Variants in NFATC3 observed in about 807,000 individuals in gnomAD.
NFATC3 encodes the protein nuclear factor of activated T-cells, cytoplasmic 3.
Under a neutral mutation model 98.6 loss-of-function variants are expected in NFATC3, and 46 were observed. The ratio of observed to expected loss-of-function variants is 0.47; its 90% CI spans 0.37 to 0.60. The LOEUF is 0.60. Ranked by LOEUF, NFATC3 falls within the 20% of genes least tolerant of loss-of-function variation. The pLI is 0.00. For synonymous variants in NFATC3, 512 were observed against 472.2 expected (o/e 1.08, Z -1.09); for missense variants, 1,256 against 1,295.5 (o/e 0.97, Z 0.47).
rs1163459056 is a variant in NFATC3 at position 68,085,644 on chromosome 16, C to T, written c.-38C>T. On this transcript the variant is annotated 5_prime_UTR_variant, in exon 1 of 10. Transcript: ENST00000346183. ...CCGCCGCTTGCCGCTGCCGCCGCCG[C>T]CGCCTGAGGAGGAGCTGCAGCACCC... The T allele has an allele frequency of 1.4e-6, 2 of 1,476,012 alleles. No individual in the cohort carries two copies. The highest frequency in any genetic ancestry group is 1.8e-6 in the Non-Finnish European group (2 of 1,115,308). The allele number at this position is 1,476,012 out of a possible 1,614,324, so 91.4% of individuals were successfully genotyped here. A position where few individuals can be genotyped will look rare whatever the true frequency, so the allele number is the denominator to read the frequency against.
chr16:68,226,924 G>GAAAAAAA lies in NFATC3; in HGVS notation c.*456_*462dup, dbSNP rs1567559802. ...AAAAAAAAAAAAAAAAAAAAAAAAAGAAAAAAAAAGAAAAGAAAAAAAGAA... is the reference window on the plus strand; with the variant it reads ...AAAAAAAAAAAAAAAAAAAAAAAAAGAAAAAAAAAAAAAAAAGAAAAGAAAAAAAGAA... On this transcript the variant is annotated 3_prime_UTR_variant, in exon 10 of 10. Transcript: ENST00000346183. 1.2e-5 allele frequency: 1 copy of GAAAAAAA among 85,486 alleles called. No homozygotes were observed. The highest frequency in any genetic ancestry group is 1.4e-4 in the Admixed American group (1 of 7,182). 5.3% of individuals were successfully genotyped at this position (85,486 alleles called of 1,614,324 possible). A position where few individuals can be genotyped will look rare whatever the true frequency, so the allele number is the denominator to read the frequency against.
In NFATC3 at chr16:68,174,378, G is replaced by A; in HGVS notation, c.1779G>A (p.Gln593=). ...QIASIPVECS[Q]RSAQELPHIE... ...CTTTAAAAAAATTTAAAACAGCCCA[G>A]CGGTCTGCTCAAGAACTTCCTCATA... is the stretch of plus-strand genomic sequence containing the variant. Residue 593 remains glutamine (Q), a synonymous_variant, in exon 6 of 10, where the codon CAG becomes CAA. Coordinates refer to ENST00000346183, the MANE Select transcript of NFATC3 (RefSeq NM_173165.3). 6.8e-7 allele frequency: 1 copy of A among 1,469,316 alleles called. No homozygotes were observed. The highest frequency in any genetic ancestry group is 9.0e-7 in the Non-Finnish European group (1 of 1,109,420). The allele number at this position is 1,469,316 out of a possible 1,614,324, so 91.0% of individuals were successfully genotyped here.
In NFATC3 at chr16:68,122,823, T is replaced by C; in HGVS notation, c.940T>C (p.Ser314Pro). 6.2e-7 allele frequency: 1 copy of C among 1,614,270 alleles called. No individual in the cohort carries two copies. The highest frequency in any genetic ancestry group is 8.5e-7 in the Non-Finnish European group (1 of 1,180,042). Residue 314 changes from serine (S) to proline (P), a missense_variant, in exon 2 of 10, where the codon TCT (serine) becomes CCT (proline). By Grantham distance (74) the Ser-to-Pro change is moderately conservative (BLOSUM62 -1). This residue lies in a region of NFATC3 where 464 missense variants were observed against 465.7 expected (regional missense o/e 1.00). Transcript: ENST00000346183. ...SVTEDTWLNASVHGGSGLGPA... is the reference protein window; with the variant it reads ...SVTEDTWLNAPVHGGSGLGPA... ...GACAGAAGATACGTGGCTCAATGCT[T>C]CTGTCCATGGTGGGTCAGGCCTTGG...
At chr16:68,095,638 G>GC (rs1422452232) in intron 1 of NFATC3, among the ~76,000 whole-genome samples, 1 of 152,190 alleles carries the variant, frequency 6.6e-6, no homozygotes, top group African/African-American at 2.4e-5. Context: ...ATAGGCATGA[G>GC]CCCCTGTGCC....
chr16:68,174,537 G>T, intron 6 of NFATC3, 23 bp downstream of exon 6: 2 of 1,526,160 alleles, frequency 1.3e-6, no homozygotes, highest in South Asian at 2.7e-5. Context: ...TGAGTTGATT[G>T]ACTTCAAACT....
At chr16:68,200,625 G>A (rs1472039314) in intron 9 of NFATC3, 1 of 152,078 alleles carries the variant, frequency 6.6e-6, no homozygotes, top group Non-Finnish European at 1.5e-5. Context: ...TCTCTTTCAA[G>A]TAGTCCCCCT....
intron 3 of NFATC3, among the ~76,000 whole-genome samples, chr16:68,128,672 G>GGAAC (rs1426001610): frequency 1.3e-5 from 2 of 152,168 alleles, no homozygotes; most frequent in Non-Finnish European, 2.9e-5. Context: ...AACTGAGCCA[G>GGAAC]GAACAATGGT....
chr16:68,206,037 T>A (rs2041131768), intron 9 of NFATC3, among the ~76,000 whole-genome samples: 1 of 152,138 alleles, frequency 6.6e-6, no homozygotes. Flanking sequence ...ATTAGATTGT[T>A]GATCCTTCCT....
At chr16:68,086,741 C>T (rs1598329539) in intron 1 of NFATC3, 1 of 985,242 alleles carries the variant, frequency 1.0e-6, no homozygotes, top group Non-Finnish European at 1.2e-6. Context: ...GTAGACTGTT[C>T]TGTAGAGTTG....
At chr16:68,163,981 C>T (rs1376760154) in intron 4 of NFATC3, among the ~76,000 whole-genome samples, 6 of 152,016 alleles carry the variant, frequency 3.9e-5, no homozygotes, top group Admixed American at 2.6e-4. Flanking sequence ...AGAGACGCTC[C>T]TCACTTCCCA....
At chr16:68,211,252 A>C (rs2041376442) in intron 9 of NFATC3, among the ~76,000 whole-genome samples, 1 of 151,882 alleles carries the variant, frequency 6.6e-6, no homozygotes, top group South Asian at 2.1e-4. Context: ...CAGTGGCGCG[A>C]TCTCAGCTCA....
At chr16:68,173,395 C>T (rs1306382587) in intron 5 of NFATC3, among the ~76,000 whole-genome samples, 2 of 151,942 alleles carry the variant, frequency 1.3e-5, no homozygotes, top group Non-Finnish European at 2.9e-5. Context: ...GGTGAAACCC[C>T]GTCTCTACCA....
At position 68,224,125 on chromosome 16, in the gene NFATC3, TTAAAAAA is replaced by T. The variant is rs1567557877; in HGVS notation, c.3107-2224_3107-2218del. ...GCCGGACACGGTGGCATGCACCAGTTTAAAAAAAAAAAAAAAAAAAAGCTTATCACTT... is the reference window on the plus strand; with the variant it reads ...GCCGGACACGGTGGCATGCACCAGTTAAAAAAAAAAAAAAGCTTATCACTT... On this transcript the variant is annotated intron_variant, in intron 9 of 9. Transcript: ENST00000346183. Among the ~76,000 whole-genome samples the T allele has an allele frequency of 6.3e-5, 9 of 142,254 alleles. 1 individual carries two copies. The highest frequency in any genetic ancestry group is 1.6e-4 in the African/African-American group (6 of 38,366). The allele number at this position is 142,254 out of a possible 152,430, so 93.3% of individuals were successfully genotyped here.
chr16:68,214,213 A>G, intron 9 of NFATC3: 1 of 692,304 alleles, frequency 1.4e-6, no homozygotes, highest in Non-Finnish European at 2.5e-6. Flanking sequence ...ATTGACAAGT[A>G]AAAGACAGTT....
chr16:68,118,691 A>C (rs2036418251), intron 1 of NFATC3, among the ~76,000 whole-genome samples: 1 of 152,178 alleles, frequency 6.6e-6, no homozygotes, highest in South Asian at 2.1e-4. Context: ...TTACATAGCT[A>C]GCTTGTGTTC....
chr16:68,131,695 CCA>C (rs2037123606), intron 3 of NFATC3, among the ~76,000 whole-genome samples: 1 of 151,446 alleles, frequency 6.6e-6, no homozygotes, highest in Admixed American at 6.6e-5. Context: ...GCTATATTGC[CCA>C]GTTTGGTCTT....
rs2036625167 is a variant in NFATC3, at chr16:68,122,672, C to G, written c.789C>G (p.Pro263=). 1 of 1,614,056 alleles carries G rather than the reference C, an allele frequency of 6.2e-7. No homozygotes were observed. Among genetic ancestry groups the G allele is most frequent in the African/African-American group, 1.3e-5 (1 of 74,936 alleles). Residue 263 remains proline, a synonymous_variant, in exon 2 of 10, where the codon CCC becomes CCG. Transcript: ENST00000346183. ...NWLSPRPASG[P]SSRPTSPCGK... is the part of the protein sequence containing the mutation. ...TGAGCCCCAGGCCAGCCTCAGGACC[C>G]TCATCAAGGCCCACATCCCCCTGTG...
intron 3 of NFATC3, among the ~76,000 whole-genome samples, chr16:68,127,074 G>T (rs953379469): frequency 8.6e-5 from 13 of 151,978 alleles, no homozygotes; most frequent in Admixed American, 7.2e-4. Context: ...TGAGCAGGGC[G>T]TGGTGGCGGG....
chr16:68,153,676 C>T (rs939179665), intron 3 of NFATC3, among the ~76,000 whole-genome samples: 4 of 151,986 alleles, frequency 2.6e-5, no homozygotes, highest in Non-Finnish European at 4.4e-5. Flanking sequence ...TACAGTGGCC[C>T]GATCTCAGCT....
Sources: allele counts gnomAD v4.1 joint callset (sites outside exome capture counted in the v4.1 genomes callset), GRCh38; gene constraint gnomAD v4.1.1; regional missense constraint gnomAD v4.1.1; transcripts MANE v1.5; gene names NCBI Gene and HGNC (gene_info 2026-07-23, HGNC 2026-07-21).